The following SLC15A1 variants were observed in gnomAD, a reference collection of about 807,000 sequenced individuals.
SLC15A1 encodes solute carrier family 15 member 1.
A neutral mutation model predicts 92.9 loss-of-function variants in SLC15A1; 83 were observed. The observed-to-expected ratio is 0.89, with a 90% CI of 0.75 to 1.07. The LOEUF is 1.07. Among genes scored for constraint, SLC15A1 ranks in the 50% least tolerant of loss-of-function variants. The pLI is 0.00. For missense variants in SLC15A1, 857 were observed against 880.1 expected, an observed-to-expected ratio of 0.97 and a Z score of 0.33; for synonymous variants, 322 against 318.2, an observed-to-expected ratio of 1.01 and a Z score of -0.13.
chr13:98,701,199 G>A (rs546431060), intron 18 of SLC15A1, among the ~76,000 whole-genome samples: 94 of 152,202 alleles, frequency 6.2e-4, no homozygotes, highest in South Asian at 1.0e-3. Flanking sequence ...GCTTTTCACT[G>A]ATTTCTTTCA....
At chr13:98,697,439 CAAA>C (rs2088031900) in intron 18 of SLC15A1, among the ~76,000 whole-genome samples, 2 of 151,470 alleles carry the variant, frequency 1.3e-5, no homozygotes, top group African/African-American at 2.4e-5. Flanking sequence ...GAGAAGGAAA[CAAA>C]GAAGAGGAAC....
At chr13:98,700,544 T>C (rs1468836160) in intron 18 of SLC15A1, among the ~76,000 whole-genome samples, 1 of 149,708 alleles carries the variant, frequency 6.7e-6, no homozygotes, top group Admixed American at 6.7e-5. Flanking sequence ...TTAGTTTTGG[T>C]GAACTCTATC....
intron 1 of SLC15A1, among the ~76,000 whole-genome samples, chr13:98,749,986 G>A (rs1204156421): frequency 6.6e-6 from 1 of 152,232 alleles, no homozygotes; most frequent in East Asian, 1.9e-4. Context: ...CCCAGGACCC[G>A]AAGCATTTCC....
At chr13:98,739,131 C>T (rs1293150421) in intron 1 of SLC15A1, among the ~76,000 whole-genome samples, 1 of 152,202 alleles carries the variant, frequency 6.6e-6, no homozygotes, top group Non-Finnish European at 1.5e-5. Context: ...ATGATTTCTC[C>T]CTTTGGAATG....
intron 1 of SLC15A1, among the ~76,000 whole-genome samples, chr13:98,741,723 C>CAAA (rs61421254): frequency 1.2e-5 from 1 of 81,906 alleles, no homozygotes; most frequent in Non-Finnish European, 2.5e-5. Flanking sequence ...GACTCCGTCT[C>CAAA]AAAAAAAAAA....
chr13:98,750,439 C>T (rs895805599), intron 1 of SLC15A1, among the ~76,000 whole-genome samples: 3 of 152,094 alleles, frequency 2.0e-5, no homozygotes, highest in African/African-American at 7.2e-5. Flanking sequence ...ATTCTGTTAA[C>T]TGTTGTGGAT....
In SLC15A1 at chr13:98,709,911, C is replaced by G; in HGVS notation, c.901G>C (p.Gly301Arg). The G allele has an allele frequency of 6.2e-7, 1 of 1,613,984 alleles. No homozygotes were observed. Among genetic ancestry groups the G allele is most frequent in the Non-Finnish European group, 8.5e-7 (1 of 1,179,984 alleles). Residue 301 changes from glycine to arginine, a missense_variant and splice_region_variant, in exon 12 of 23, where the codon GGC becomes CGC. By Grantham distance (125) the Gly-to-Arg change is moderately radical. Coordinates refer to ENST00000376503, the MANE Select transcript of SLC15A1 (RefSeq NM_005073.4). ...PMFWALFDQQGSRWTLQATTM... is the reference protein window; with the variant it reads ...PMFWALFDQQRSRWTLQATTM... ...GTTGCCTGCAGTGTCCACCTGGAGC[C>G]CTTAAAAATGAATACATTTGCTGTA...
At chr13:98,714,810 C>T (rs2088200140) in intron 9 of SLC15A1, among the ~76,000 whole-genome samples, 1 of 151,516 alleles carries the variant, frequency 6.6e-6, no homozygotes, top group Admixed American at 6.6e-5. Context: ...ACACATTTAC[C>T]TCCAGTTATA....
At chr13:98,694,929 GA>G (rs1296288078) in intron 18 of SLC15A1, among the ~76,000 whole-genome samples, 7 of 150,916 alleles carry the variant, frequency 4.6e-5, no homozygotes, top group African/African-American at 1.7e-4. Context: ...TCAGGAGGCT[GA>G]GGCAGGGGAA....
chr13:98,742,764 T>G (rs2088459257), intron 1 of SLC15A1, among the ~76,000 whole-genome samples: 2 of 152,140 alleles, frequency 1.3e-5, no homozygotes, highest in East Asian at 3.9e-4. Context: ...TCTCCTCTTT[T>G]TACTCATTTT....
intron 18 of SLC15A1, among the ~76,000 whole-genome samples, chr13:98,689,719 G>A (rs2087959964): frequency 6.6e-6 from 1 of 152,146 alleles, no homozygotes; most frequent in South Asian, 2.1e-4. Context: ...CAAAGCACTG[G>A]GATTATGGGT....
intron 6 of SLC15A1, 100 bp from the exon 7 acceptor site, chr13:98,721,685 A>G (rs2088259658): frequency 1.5e-6 from 2 of 1,292,712 alleles, no homozygotes; most frequent in South Asian, 1.4e-5. Flanking sequence ...TTTGGTTGGT[A>G]TCTTACTTTC....
At chr13:98,752,166 G>A (rs749512787) in intron 1 of SLC15A1, among the ~76,000 whole-genome samples, 16 of 152,226 alleles carry the variant, frequency 1.1e-4, no homozygotes, top group Non-Finnish European at 2.1e-4. Flanking sequence ...GGTTCCCTGC[G>A]GAACTCCAGG....
chr13:98,722,085 C>A (rs560449858), intron 5 of SLC15A1, among the ~76,000 whole-genome samples, 182 bp from the exon 6 acceptor site: 1 of 152,286 alleles, frequency 6.6e-6, no homozygotes, highest in East Asian at 1.9e-4. Context: ...AACTCATGGG[C>A]CTTCAAACTC....
At position 98,715,969 on chromosome 13, in the gene SLC15A1, G is replaced by A; in HGVS notation, c.641-9C>T. 3 of 1,612,964 alleles carry A rather than the reference G, an allele frequency of 1.9e-6. No homozygotes were observed. Among genetic ancestry groups the A allele is most frequent in the Non-Finnish European group, 2.5e-6 (3 of 1,179,032 alleles). ...GCCAAGGACAAACACAACTAGATAG[G>A]GCAGAAGAAGACATGTCAGCAAAGC... On this transcript the variant is annotated splice_polypyrimidine_tract_variant and intron_variant, in intron 8 of 22. Transcript: ENST00000376503.
At chr13:98,749,053 G>A (rs934621296) in intron 1 of SLC15A1, among the ~76,000 whole-genome samples, 2 of 152,216 alleles carry the variant, frequency 1.3e-5, no homozygotes, top group African/African-American at 4.8e-5. Flanking sequence ...CTGGCTAGGA[G>A]GAGGTGAGTT....
intron 1 of SLC15A1, 68 bp downstream of exon 1, chr13:98,752,527 G>A (rs2088555715): frequency 8.0e-7 from 1 of 1,252,834 alleles, no homozygotes; most frequent in Admixed American, 3.9e-5. Flanking sequence ...CCCGGCCCTC[G>A]GTGCCGGCCC....
chr13:98,747,328 C>T (rs1785094833), intron 1 of SLC15A1, among the ~76,000 whole-genome samples: 1 of 152,120 alleles, frequency 6.6e-6, no homozygotes, highest in Non-Finnish European at 1.5e-5. Context: ...ACTTTCTCAT[C>T]CTGCAAAGCA....
intron 1 of SLC15A1, among the ~76,000 whole-genome samples, chr13:98,747,681 G>C (rs1244797006): frequency 1.3e-5 from 2 of 152,290 alleles, no homozygotes; most frequent in South Asian, 4.1e-4. Flanking sequence ...AGGAGTTTGA[G>C]ACCATCCTGG....
Sources: gnomAD v4.1 joint callset for allele counts (sites outside exome capture counted in the v4.1 genomes callset) on GRCh38, gnomAD v4.1.1 for gene constraint, MANE v1.5 for transcripts, NCBI Gene and HGNC (gene_info 2026-07-23, HGNC 2026-07-21) for gene names.